Variants in RALYL observed in about 807,000 individuals in gnomAD.
The protein encoded by RALYL is RALY RNA binding protein like, also known as RNA-binding Raly-like protein.
In RALYL, 29 loss-of-function variants were observed where a neutral mutation model predicts 35.1. That is an observed-to-expected ratio of 0.83 (90% CI 0.61 to 1.13). The LOEUF (loss-of-function observed/expected upper bound fraction) is 1.13, where lower values mean the gene tolerates loss of function less well. RALYL is among the 50% of genes most tolerant of loss of function. The pLI is 0.00. For synonymous variants in RALYL, 120 were observed against 127.6 expected, an observed-to-expected ratio of 0.94 and a Z score of 0.40; for missense variants, 359 against 360.4, an observed-to-expected ratio of 1.00 and a Z score of 0.03.
chr8:84,638,975 C>G (rs527605991), intron 2 of RALYL, among the ~76,000 whole-genome samples: 207 of 137,772 alleles, frequency 1.5e-3, no homozygotes, highest in African/African-American at 5.4e-3. Flanking sequence ...GACACACACA[C>G]ACACACACAC....
At position 84,317,902 on chromosome 8, in the gene RALYL, CTCT is replaced by C. The variant is rs541439676; in HGVS notation, c.-24+133483_-24+133485del. Among the ~76,000 whole-genome samples, 33 of 151,914 alleles carry C rather than the reference CTCT, an allele frequency of 2.2e-4. 2 individuals carry two copies. In the South Asian group the frequency reaches 6.5e-3, roughly 30 times the overall value. On this transcript the variant is annotated intron_variant, in intron 1 of 8. Transcript: ENST00000521268. ...TTCTCTCTTTCTACCTTTTTTCTTT[CTCT>C]TCTTATTATCTTAATTATTATTTCA...
intron 1 of RALYL, among the ~76,000 whole-genome samples, chr8:84,319,999 G>C (rs1449137580): frequency 6.6e-6 from 1 of 151,962 alleles, no homozygotes; most frequent in Admixed American, 6.6e-5. Flanking sequence ...GTGTCAGTGT[G>C]TATAAATTCC....
chr8:84,638,949 TACACACACACACACAGACACACACAC>T (rs1439000397), intron 2 of RALYL, among the ~76,000 whole-genome samples: 3 of 81,406 alleles, frequency 3.7e-5, no homozygotes, highest in South Asian at 8.2e-4. Flanking sequence ...CATATATATG[TACACACACACACACAGACACACACAC>T]ACACACACAC....
chr8:84,778,560 A>G (rs1817386324), intron 3 of RALYL, among the ~76,000 whole-genome samples: 1 of 152,190 alleles, frequency 6.6e-6, no homozygotes, highest in South Asian at 2.1e-4. Context: ...GGGAGTAAAA[A>G]CATCTGGAAA....
intron 1 of RALYL, among the ~76,000 whole-genome samples, chr8:84,225,168 C>A (rs1402994252): frequency 6.6e-6 from 1 of 152,088 alleles, no homozygotes; most frequent in Non-Finnish European, 1.5e-5. Context: ...GATACAGAAG[C>A]CTTAAGATTC....
intron 2 of RALYL, among the ~76,000 whole-genome samples, chr8:84,674,962 G>A (rs1334162087): frequency 1.3e-5 from 2 of 151,036 alleles, no homozygotes; most frequent in Non-Finnish European, 2.9e-5. Context: ...GAAGATATAT[G>A]CCAATAGTGC....
intron 1 of RALYL, among the ~76,000 whole-genome samples, chr8:84,278,436 C>T (rs1319236243): frequency 1.3e-5 from 2 of 152,222 alleles, no homozygotes; most frequent in African/African-American, 4.8e-5. Context: ...GACATTTCCC[C>T]CATTATCTTG....
At chr8:84,399,715 A>G (rs2042699514) in intron 1 of RALYL, among the ~76,000 whole-genome samples, 1 of 152,188 alleles carries the variant, frequency 6.6e-6, no homozygotes, top group Non-Finnish European at 1.5e-5. Flanking sequence ...ATTACATTGT[A>G]ATCACAATGT....
chr8:84,920,952 CTG>C lies in RALYL; in HGVS notation c.*44_*45del, dbSNP rs977190998. On this transcript the variant is annotated 3_prime_UTR_variant, in exon 9 of 9. Transcript: ENST00000521268. ...GATGCCACAAAGCAGAAAAGAGAAA[CTG>C]TGACAACCCCCAGAAATGTGAAAGG... 7.7e-7 allele frequency: 1 copy of C among 1,299,956 alleles called. No individual in the cohort carries two copies. Among genetic ancestry groups the C allele is most frequent in the African/African-American group, 1.5e-5 (1 of 65,270 alleles). 80.5% of individuals were successfully genotyped at this position (1,299,956 alleles called of 1,614,324 possible). A position where few individuals can be genotyped will look rare whatever the true frequency, so the allele number is the denominator to read the frequency against.
chr8:84,535,602 A>ATTATTTATTTTATTTTATTTTATT (rs2059548869), intron 2 of RALYL, among the ~76,000 whole-genome samples: 1 of 138,394 alleles, frequency 7.2e-6, no homozygotes, highest in African/African-American at 2.7e-5. Flanking sequence ...CGCCCGGCTA[A>ATTATTTATTTTATTTTATTTTATT]TTATTTTATT....
At chr8:84,682,704 T>C (rs1438100650) in intron 2 of RALYL, among the ~76,000 whole-genome samples, 1 of 152,200 alleles carries the variant, frequency 6.6e-6, no homozygotes, top group East Asian at 1.9e-4. Context: ...TATCAGTTTT[T>C]ATTGCGTCTT....
intron 5 of RALYL, among the ~76,000 whole-genome samples, chr8:84,855,087 G>A (rs535546314): frequency 2.1e-4 from 32 of 152,312 alleles, no homozygotes; most frequent in African/African-American, 6.7e-4. Context: ...AAAAGAGCAG[G>A]AAGCCAAAAC....
chr8:84,385,885 A>T (rs1339238671), intron 1 of RALYL, among the ~76,000 whole-genome samples: 1 of 151,798 alleles, frequency 6.6e-6, no homozygotes, highest in Non-Finnish European at 1.5e-5. Context: ...CATCTCCAGG[A>T]TGGCATGGTA....
chr8:84,372,886 G>GT (rs76885544), intron 1 of RALYL, among the ~76,000 whole-genome samples: 466 of 39,050 alleles, frequency 0.012, 31 homozygotes, highest in East Asian at 0.022. Context: ...GCCAGCATCT[G>GT]TTTTTTTTTT....
intron 1 of RALYL, among the ~76,000 whole-genome samples, chr8:84,229,630 G>T (rs921053214): frequency 6.6e-6 from 1 of 152,054 alleles, no homozygotes; most frequent in African/African-American, 2.4e-5. Context: ...CTCACTAAAT[G>T]TTAAGATAAC....
At chr8:84,716,261 TA>T (rs112805587) in intron 2 of RALYL, among the ~76,000 whole-genome samples, 39,857 of 152,016 alleles carry the variant, frequency 0.26, 5,583 homozygotes, top group African/African-American at 0.32. Context: ...TTCCCACACT[TA>T]ACAGTGTCTT....
chr8:84,408,524 A>G (rs1455554167), intron 1 of RALYL, among the ~76,000 whole-genome samples: 1 of 152,210 alleles, frequency 6.6e-6, no homozygotes, highest in Non-Finnish European at 1.5e-5. Flanking sequence ...GTAATGGCAC[A>G]AAACAACAGA....
chr8:84,387,032 A>G (rs1172688506), intron 1 of RALYL, among the ~76,000 whole-genome samples: 3 of 151,842 alleles, frequency 2.0e-5, no homozygotes, highest in Admixed American at 2.0e-4. Flanking sequence ...GAGGGTAGAG[A>G]GTGTCTCCTT....
chr8:84,651,248 A>G (rs1230173461), intron 2 of RALYL, among the ~76,000 whole-genome samples: 1 of 151,778 alleles, frequency 6.6e-6, no homozygotes, highest in Non-Finnish European at 1.5e-5. Flanking sequence ...AAATTAAAAT[A>G]AAATAAAATT....
Sources: allele counts gnomAD v4.1 joint callset (sites outside exome capture counted in the v4.1 genomes callset), GRCh38; gene constraint gnomAD v4.1.1; transcripts MANE v1.5; gene names NCBI Gene and HGNC (gene_info 2026-07-23, HGNC 2026-07-21).